The following STK3 variants were observed in gnomAD, a reference collection of about 807,000 sequenced individuals.
STK3 encodes serine/threonine-protein kinase 3.
Under a neutral mutation model 58.0 loss-of-function variants are expected in STK3, and 41 were observed. The observed-to-expected ratio is 0.71, with a 90% CI of 0.55 to 0.92. STK3 has a LOEUF of 0.92. STK3 is among the 40% of genes least tolerant of loss of function. The probability of loss-of-function intolerance (pLI) is 0.00; values close to 1 mark genes in which losing one functional copy is unlikely to be tolerated. For synonymous variants in STK3, 170 were observed against 191.0 expected, an observed-to-expected ratio of 0.89 and a Z score of 0.91; for missense variants, 479 against 602.7, an observed-to-expected ratio of 0.79 and a Z score of 2.15.
At position 98,867,781 on chromosome 8, in the gene STK3, A is replaced by T. The variant is rs139656373; in HGVS notation, c.110+15866T>A. 4.2e-3 allele frequency among the ~76,000 whole-genome samples: 636 copies of T among 152,352 alleles called. 6 individuals carry two copies. Among genetic ancestry groups the T allele is most frequent in the Non-Finnish European group, 4.4e-3 (300 of 68,034 alleles). On this transcript the variant is annotated intron_variant, in intron 3 of 12. Transcript: ENST00000523601. ...TTTGTGAAATGGAGATAATAACAGT[A>T]CATGCCTCACAGGGTTATTACAAAG...
At chr8:98,707,461 G>T in intron 4 of STK3, 150 bp from the exon 5 acceptor site, 1 of 585,726 alleles carries the variant, frequency 1.7e-6, no homozygotes, top group South Asian at 2.7e-5. Context: ...ACAGTGCAGT[G>T]GTGTGATGAT....
chr8:98,526,747 CAA>C lies in STK3; in HGVS notation c.1310_1311del (p.Phe437Ter). ...AAGAATTAAAATGTACTTACAAAGTCAAAGTCTCCATCTTGAGGAACTTTCCA... is the reference window on the plus strand; with the variant it reads ...AAGAATTAAAATGTACTTACAAAGTCAGTCTCCATCTTGAGGAACTTTCCA... ...DNWKVPQDGD[F>X]DFLKNLSLEE... On this transcript the variant is annotated frameshift_variant, in exon 10 of 11. Coordinates refer to ENST00000419617, the MANE Select transcript of STK3 (RefSeq NM_006281.4). LOFTEE classifies it high-confidence loss of function. 1 of 1,554,104 alleles carries C rather than the reference CAA, an allele frequency of 6.4e-7. No homozygotes were observed. The highest frequency in any genetic ancestry group is 1.2e-5 in the South Asian group (1 of 81,028).
chr8:98,670,742 A>G (rs1477373196), intron 6 of STK3, among the ~76,000 whole-genome samples: 1 of 152,214 alleles, frequency 6.6e-6, no homozygotes, highest in Non-Finnish European at 1.5e-5. Context: ...TAAAAACCCC[A>G]GATCCAGCCA....
intron 6 of STK3, among the ~76,000 whole-genome samples, chr8:98,700,793 G>C (rs1397813947): frequency 6.6e-6 from 1 of 152,108 alleles, no homozygotes; most frequent in Non-Finnish European, 1.5e-5. Context: ...GCTGTCCACA[G>C]AGTGATCCAT....
chr8:98,873,341 G>C (rs1385666090), intron 3 of STK3, among the ~76,000 whole-genome samples: 1 of 152,332 alleles, frequency 6.6e-6, no homozygotes, highest in South Asian at 2.1e-4. Flanking sequence ...GAGTTCTGTA[G>C]ATGTCTATTA....
intron 10 of STK3, among the ~76,000 whole-genome samples, chr8:98,479,594 T>C (rs1586664761): frequency 6.7e-6 from 1 of 149,488 alleles, no homozygotes. Context: ...TAATAAACTG[T>C]GGACAAAACA....
intron 7 of STK3, among the ~76,000 whole-genome samples, chr8:98,581,297 A>G (rs945721280): frequency 2.6e-5 from 4 of 151,878 alleles, no homozygotes; most frequent in Non-Finnish European, 5.9e-5. Context: ...GAAAGTCCTG[A>G]CCCTTCACCA....
At chr8:98,511,368 C>T (rs1465946767) in intron 10 of STK3, among the ~76,000 whole-genome samples, 2 of 151,784 alleles carry the variant, frequency 1.3e-5, no homozygotes, top group African/African-American at 4.8e-5. Flanking sequence ...TAATTTGCAT[C>T]TATTAAGGAT....
chr8:98,682,452 G>A (rs1823706425), intron 6 of STK3, among the ~76,000 whole-genome samples: 1 of 152,116 alleles, frequency 6.6e-6, no homozygotes, highest in South Asian at 2.1e-4. Flanking sequence ...GTGACCTTCA[G>A]TTTATAAGTC....
chr8:98,656,097 A>G (rs972571418), intron 6 of STK3, among the ~76,000 whole-genome samples: 2 of 152,366 alleles, frequency 1.3e-5, no homozygotes, highest in Admixed American at 6.5e-5. Context: ...AATGTCCAAC[A>G]ATGATAGACT....
chr8:98,803,344 C>A (rs1366254106), intron 1 of STK3, among the ~76,000 whole-genome samples: 2 of 152,064 alleles, frequency 1.3e-5, no homozygotes, highest in Admixed American at 6.5e-5. Context: ...GTAATCCCAG[C>A]ACTTTGGGAG....
chr8:98,438,127 T>C (rs896562080), intron 1 of STK3: 20 of 152,244 alleles, frequency 1.3e-4, no homozygotes, highest in Admixed American at 1.2e-3. Flanking sequence ...TATGTAATTT[T>C]CCAATTTTAA....
Position 98,815,003 on chromosome 8 carries a change from G to A in STK3, c.26+10512C>T, listed in dbSNP as rs146519626. Among the ~76,000 whole-genome samples the A allele has an allele frequency of 3.9e-5, 6 of 152,220 alleles. No individual in the cohort carries two copies. The South Asian group carries it at 1.0e-3, about 26-fold the overall frequency. The stretch of plus-strand genomic sequence containing the variant: ...CCTAAAATCTGCTCTTATCAACAGT[G>A]GTGTTATTTGTCTTGGATTATTTTA... On this transcript the variant is annotated intron_variant, in intron 1 of 10. Transcript: ENST00000419617.
intron 3 of STK3, among the ~76,000 whole-genome samples, chr8:98,847,346 G>A (rs557413814): frequency 6.6e-6 from 1 of 152,224 alleles, no homozygotes; most frequent in African/African-American, 2.4e-5. Flanking sequence ...GAAAAAGTAA[G>A]GAGTCTGCCC....
chr8:98,684,744 C>T (rs934727675), intron 6 of STK3, among the ~76,000 whole-genome samples: 5 of 152,132 alleles, frequency 3.3e-5, no homozygotes, highest in Admixed American at 2.0e-4. Context: ...AGCATTCGGA[C>T]TTTGTTAGAA....
chr8:98,671,473 A>G (rs1822826017), intron 6 of STK3, among the ~76,000 whole-genome samples: 1 of 152,242 alleles, frequency 6.6e-6, no homozygotes, highest in South Asian at 2.1e-4. Flanking sequence ...CAGGAAATAA[A>G]ATATTTTATA....
At chr8:98,570,358 C>T (rs1252994360) in intron 8 of STK3, among the ~76,000 whole-genome samples, 2 of 151,300 alleles carry the variant, frequency 1.3e-5, no homozygotes, top group Non-Finnish European at 2.9e-5. Flanking sequence ...CCAGGCTGGT[C>T]TTGAACACCT....
At position 98,800,658 on chromosome 8, in the gene STK3, G is replaced by A. The variant is rs141259440; in HGVS notation, c.26+24857C>T. Among the ~76,000 whole-genome samples the A allele has an allele frequency of 5.9e-5, 9 of 152,314 alleles. No individual in the cohort carries two copies. In the East Asian group the frequency reaches 1.3e-3, roughly 23 times the overall value. On this transcript the variant is annotated intron_variant, in intron 1 of 10. Transcript: ENST00000419617. The surrounding 1 kb of genome is among the most constrained non-coding windows in gnomAD (Gnocchi z 4.8). Reference sequence around the variant, plus strand: ...CCAGCACGAGTTCCGGGTGGGTGTGGGCTTGATGGGCCCCGCACTCAGAGT... The same window carrying A: ...CCAGCACGAGTTCCGGGTGGGTGTGAGCTTGATGGGCCCCGCACTCAGAGT...
At chr8:98,708,138 CAAA>C (rs200363376) in intron 4 of STK3, among the ~76,000 whole-genome samples, 1 of 117,866 alleles carries the variant, frequency 8.5e-6, no homozygotes. Flanking sequence ...GACTCCATCT[CAAA>C]AAAAAAAAAA....
Sources: gnomAD v4.1 joint callset for allele counts (sites outside exome capture counted in the v4.1 genomes callset) on GRCh38, gnomAD v4.1.1 for gene constraint, Gnocchi (gnomAD v3.1) non-coding constraint, MANE v1.5 for transcripts, NCBI Gene and HGNC (gene_info 2026-07-23, HGNC 2026-07-21) for gene names.